Variants in PCDH15 observed in about 807,000 individuals in gnomAD.
PCDH15 encodes the protein protocadherin related 15.
Under a neutral mutation model 178.5 loss-of-function variants are expected in PCDH15, and 129 were observed. The observed-to-expected ratio is 0.72, with a 90% CI of 0.63 to 0.84. The LOEUF (loss-of-function observed/expected upper bound fraction) is 0.84, where lower values mean the gene tolerates loss of function less well. PCDH15 is among the 40% of genes least tolerant of loss of function. The probability of loss-of-function intolerance (pLI) is 0.00; values close to 1 mark genes in which losing one functional copy is unlikely to be tolerated. For missense variants in PCDH15, 2,230 were observed against 2,099.9 expected, an observed-to-expected ratio of 1.06 and a Z score of -1.21; for synonymous variants, 800 against 732.0, an observed-to-expected ratio of 1.09 and a Z score of -1.50.
chr10:54,396,206 C>T (rs1373107903), intron 3 of PCDH15, among the ~76,000 whole-genome samples: 1 of 152,132 alleles, frequency 6.6e-6, no homozygotes, highest in Non-Finnish European at 1.5e-5. Context: ...CTTTACTTAG[C>T]CTTTATCTGC....
intron 2 of PCDH15, among the ~76,000 whole-genome samples, chr10:54,914,221 G>T (rs1398169918): frequency 6.6e-6 from 1 of 152,204 alleles, no homozygotes; most frequent in Non-Finnish European, 1.5e-5. Context: ...GGAAGTGATT[G>T]GATCGGGAGG....
intron 14 of PCDH15, among the ~76,000 whole-genome samples, chr10:54,141,774 A>T (rs1271568806): frequency 6.6e-6 from 1 of 152,166 alleles, no homozygotes; most frequent in Admixed American, 6.5e-5. Flanking sequence ...AAAACAAAAT[A>T]TGCACAAGTG....
intron 1 of PCDH15, among the ~76,000 whole-genome samples, chr10:54,671,008 G>T (rs2094656368): frequency 6.6e-6 from 1 of 151,882 alleles, no homozygotes; most frequent in African/African-American, 2.4e-5. Flanking sequence ...CTAAATCTCA[G>T]TCTTTTAGAT....
At chr10:54,943,987 C>T (rs1838126543) in intron 2 of PCDH15, among the ~76,000 whole-genome samples, 1 of 151,664 alleles carries the variant, frequency 6.6e-6, no homozygotes, top group African/African-American at 2.4e-5. Flanking sequence ...GGTAGTTTAG[C>T]CAAGAATAAA....
At chr10:54,050,018 A>C (rs959503926) in intron 18 of PCDH15, among the ~76,000 whole-genome samples, 1 of 152,122 alleles carries the variant, frequency 6.6e-6, no homozygotes, top group Non-Finnish European at 1.5e-5. Context: ...ATGGGCCTGT[A>C]GTTTTCCATT....
chr10:55,181,706 G>A (rs1440413792), intron 1 of PCDH15, among the ~76,000 whole-genome samples: 1 of 151,842 alleles, frequency 6.6e-6, no homozygotes, highest in Non-Finnish European at 1.5e-5. Flanking sequence ...TATATTATGT[G>A]CACTTCTATA....
chr10:54,139,094 C>G (rs1407469842), intron 14 of PCDH15, among the ~76,000 whole-genome samples: 3 of 152,154 alleles, frequency 2.0e-5, no homozygotes, highest in African/African-American at 7.2e-5. Context: ...ATATATGTCT[C>G]TGCTAGATAT....
At chr10:54,109,732 T>C (rs1041998776) in intron 15 of PCDH15, among the ~76,000 whole-genome samples, 2 of 152,116 alleles carry the variant, frequency 1.3e-5, no homozygotes, top group African/African-American at 4.8e-5. Flanking sequence ...GGATAGTTAA[T>C]GGGTACAAAA....
chr10:54,336,733 A>G (rs1389908807), intron 6 of PCDH15, among the ~76,000 whole-genome samples: 1 of 152,228 alleles, frequency 6.6e-6, no homozygotes, highest in Non-Finnish European at 1.5e-5. Context: ...CAGCATGGAA[A>G]GGAAGTGTGG....
chr10:55,575,377 C>T (rs955124345), intron 2 of PCDH15, among the ~76,000 whole-genome samples: 4 of 152,166 alleles, frequency 2.6e-5, no homozygotes, highest in African/African-American at 9.6e-5. Flanking sequence ...AAATACCCAA[C>T]ACATAAAATT....
At chr10:54,657,495 T>A (rs1723925494) in intron 2 of PCDH15, among the ~76,000 whole-genome samples, 1 of 152,184 alleles carries the variant, frequency 6.6e-6, no homozygotes, top group South Asian at 2.1e-4. Flanking sequence ...TAAGATAAGC[T>A]TCCTGAGACC....
intron 3 of PCDH15, among the ~76,000 whole-genome samples, chr10:54,833,951 A>C: frequency 6.6e-6 from 1 of 152,186 alleles, no homozygotes; most frequent in Non-Finnish European, 1.5e-5. Flanking sequence ...ATATTTTAAT[A>C]TTTTTAACAA....
chr10:55,371,895 T>G (rs1845516668), intron 2 of PCDH15, among the ~76,000 whole-genome samples: 1 of 152,160 alleles, frequency 6.6e-6, no homozygotes, highest in African/African-American at 2.4e-5. Context: ...TAAGGAAGTA[T>G]GTAGGTAAAG....
intron 2 of PCDH15, among the ~76,000 whole-genome samples, chr10:55,137,836 A>G (rs927127559): frequency 4.6e-5 from 7 of 152,090 alleles, no homozygotes; most frequent in African/African-American, 1.4e-4. Flanking sequence ...ATAAAAGAGC[A>G]GCCTTTAGTC....
intron 2 of PCDH15, among the ~76,000 whole-genome samples, chr10:54,987,382 G>GT (rs1175241713): frequency 7.2e-5 from 11 of 152,252 alleles, no homozygotes; most frequent in African/African-American, 2.6e-4. Flanking sequence ...TATATAGCCA[G>GT]TAACAGGATT....
intron 3 of PCDH15, among the ~76,000 whole-genome samples, chr10:54,810,377 C>G (rs1048759376): frequency 2.0e-5 from 3 of 151,998 alleles, no homozygotes; most frequent in Non-Finnish European, 2.9e-5. Flanking sequence ...GAGTAGGATG[C>G]GTGGAATATC....
chr10:55,389,411 T>C (rs1239446594), intron 2 of PCDH15, among the ~76,000 whole-genome samples: 1 of 152,162 alleles, frequency 6.6e-6, no homozygotes, highest in African/African-American at 2.4e-5. Context: ...GTCTCTGTTA[T>C]AGTCAGTTTC....
At chr10:54,843,574 T>C (rs1424687463) in intron 3 of PCDH15, among the ~76,000 whole-genome samples, 1 of 152,042 alleles carries the variant, frequency 6.6e-6, no homozygotes, top group Non-Finnish European at 1.5e-5. Flanking sequence ...CTTTATATTC[T>C]GATAGTTATT....
rs139818906 is a variant in PCDH15 at position 55,315,387 on chromosome 10, T to C, written c.-156+4212A>G. The stretch of plus-strand genomic sequence containing the variant: ...ATTTTAAAATATACTAGAGTTTAAT[T>C]CAAGTGCTGTAGATGACAAAACCTT... On this transcript the variant is annotated intron_variant, in intron 1 of 5. Transcript: ENST00000458638. 7.9e-5 allele frequency among the ~76,000 whole-genome samples: 12 copies of C among 152,284 alleles called. 1 individual carries two copies. Among genetic ancestry groups the C allele is most frequent in the African/African-American group, 2.6e-4 (11 of 41,570 alleles).
Sources: gnomAD v4.1 joint callset for allele counts (sites outside exome capture counted in the v4.1 genomes callset) on GRCh38, gnomAD v4.1.1 for gene constraint, MANE v1.5 for transcripts, NCBI Gene and HGNC (gene_info 2026-07-23, HGNC 2026-07-21) for gene names.